MAGI1: variants seen among roughly 807,000 people sequenced by gnomAD.
The protein encoded by MAGI1 is membrane-associated guanylate kinase, WW and PDZ domain-containing protein 1.
In MAGI1, 58 loss-of-function variants were observed where a neutral mutation model predicts 139.9. The ratio of observed to expected loss-of-function variants is 0.41; its 90% CI spans 0.34 to 0.52. MAGI1 has a LOEUF of 0.52. MAGI1 is among the 20% of genes least tolerant of loss of function. The pLI is 0.12. For missense variants in MAGI1, 1,874 were observed against 1,901.6 expected (o/e 0.99, Z 0.27); for synonymous variants, 812 against 737.9 (o/e 1.10, Z -1.63).
chr3:65,965,271 G>A (rs1442007815), intron 1 of MAGI1, among the ~76,000 whole-genome samples: 1 of 152,146 alleles, frequency 6.6e-6, no homozygotes, highest in Non-Finnish European at 1.5e-5. Context: ...CCAGCCTCCT[G>A]ACTTTTGCCA....
At chr3:65,807,756 C>G (rs72894162) in intron 1 of MAGI1, among the ~76,000 whole-genome samples, 25,427 of 152,138 alleles carry the variant, frequency 0.17, 3,953 homozygotes, top group African/African-American at 0.42. Context: ...AAATGCTCAT[C>G]TTCCCTATTA....
In MAGI1 at chr3:65,429,447, T is replaced by TCTGAAGATGAG. The variant is rs575449668; in HGVS notation, c.2167+62_2167+72dup. On this transcript the variant is annotated intron_variant, in intron 12 of 22. Transcript: ENST00000402939. ...AAATTTAAAAAGCCCCCAGTGGTCATCTGAAGATGAGTAAGTTAAGCAATG... is the reference window on the plus strand; with the variant it reads ...AAATTTAAAAAGCCCCCAGTGGTCATCTGAAGATGAGCTGAAGATGAGTAAGTTAAGCAATG... 68 of 1,448,646 alleles carry TCTGAAGATGAG rather than the reference T, an allele frequency of 4.7e-5. 1 individual carries two copies. In the Middle Eastern group the frequency reaches 2.2e-3, roughly 46 times the overall value. 89.7% of individuals were successfully genotyped at this position (1,448,646 alleles called of 1,614,324 possible).
intron 1 of MAGI1, among the ~76,000 whole-genome samples, chr3:65,798,085 C>A (rs1197102150): frequency 6.6e-6 from 1 of 152,188 alleles, no homozygotes; most frequent in Admixed American, 6.5e-5. Context: ...GCAGGCAGAT[C>A]ACGAGGTCAA....
chr3:65,609,581 T>TTTTTTG (rs2082935063), intron 2 of MAGI1, among the ~76,000 whole-genome samples: 1 of 151,072 alleles, frequency 6.6e-6, no homozygotes. Context: ...GTTTTTTTTG[T>TTTTTTG]TTTTTGTTTT....
At chr3:66,034,905 G>A (rs1011279622) in intron 1 of MAGI1, among the ~76,000 whole-genome samples, 1 of 151,956 alleles carries the variant, frequency 6.6e-6, no homozygotes, top group African/African-American at 2.4e-5. Flanking sequence ...CAGGGGGAGG[G>A]GGGAATTAAC....
chr3:65,831,785 A>G (rs999874434), intron 1 of MAGI1, among the ~76,000 whole-genome samples: 4 of 152,196 alleles, frequency 2.6e-5, no homozygotes, highest in Non-Finnish European at 5.9e-5. Context: ...TCTGAAATAC[A>G]TTTGCTTTAA....
intron 1 of MAGI1, among the ~76,000 whole-genome samples, chr3:65,755,048 G>C (rs1319630420): frequency 6.6e-6 from 1 of 151,818 alleles, no homozygotes; most frequent in Non-Finnish European, 1.5e-5. Flanking sequence ...CCATGTCCTG[G>C]GTTCCAGCAA....
intron 1 of MAGI1, among the ~76,000 whole-genome samples, chr3:65,807,668 G>A (rs149876937): frequency 8.4e-4 from 128 of 152,292 alleles, no homozygotes; most frequent in African/African-American, 2.8e-3. Flanking sequence ...CCAAACAGAA[G>A]TAAATGGAGA....
chr3:65,640,415 T>C (rs1043000363), intron 1 of MAGI1, among the ~76,000 whole-genome samples: 1 of 152,172 alleles, frequency 6.6e-6, no homozygotes, highest in Non-Finnish European at 1.5e-5. Context: ...AGGCCTCTCC[T>C]GTTCTAAGAG....
chr3:65,420,653 A>C (rs1276920144), intron 12 of MAGI1, among the ~76,000 whole-genome samples: 1 of 152,114 alleles, frequency 6.6e-6, no homozygotes, highest in Non-Finnish European at 1.5e-5. Context: ...TTTATATTCA[A>C]ATTCCACACT....
intron 1 of MAGI1, among the ~76,000 whole-genome samples, chr3:65,675,982 A>C (rs77994555): frequency 1.2e-4 from 18 of 152,220 alleles, no homozygotes; most frequent in Admixed American, 1.2e-3. Context: ...GCTACCCTAT[A>C]TATGTCAATA....
chr3:65,671,534 A>C (rs905196023), intron 1 of MAGI1, among the ~76,000 whole-genome samples: 2 of 152,226 alleles, frequency 1.3e-5, no homozygotes, highest in Non-Finnish European at 2.9e-5. Flanking sequence ...AAACCTGGCT[A>C]CATATTAGAA....
intron 1 of MAGI1, among the ~76,000 whole-genome samples, chr3:65,656,505 A>G (rs1290671362): frequency 6.6e-6 from 1 of 152,222 alleles, no homozygotes; most frequent in East Asian, 1.9e-4. Context: ...TTATGCAAGT[A>G]AAATGTTATG....
intron 1 of MAGI1, 47 bp from the exon 2 acceptor site, chr3:65,622,135 C>T (rs760881658): frequency 7.5e-7 from 1 of 1,338,506 alleles, no homozygotes; most frequent in Non-Finnish European, 1.1e-6. Flanking sequence ...CACAGGGCCT[C>T]CTAGAAAAGA....
chr3:65,719,355 G>A (rs2107681088), intron 1 of MAGI1, among the ~76,000 whole-genome samples: 1 of 151,598 alleles, frequency 6.6e-6, no homozygotes, highest in Admixed American at 6.6e-5. Flanking sequence ...TTTGTAGAAT[G>A]TGGATATTAT....
intron 1 of MAGI1, among the ~76,000 whole-genome samples, chr3:65,916,163 T>C (rs1576022498): frequency 6.6e-6 from 1 of 151,856 alleles, no homozygotes; most frequent in South Asian, 2.1e-4. Flanking sequence ...GCCTCCCGGG[T>C]TGACGCGATT....
intron 1 of MAGI1, among the ~76,000 whole-genome samples, chr3:66,019,300 C>CA (rs2107543194): frequency 1.3e-5 from 2 of 152,312 alleles, no homozygotes; most frequent in African/African-American, 4.8e-5. Context: ...TCTTTGTTGG[C>CA]AGTGGGCTCT....
At chr3:65,741,245 G>C (rs952193317) in intron 1 of MAGI1, among the ~76,000 whole-genome samples, 12 of 151,874 alleles carry the variant, frequency 7.9e-5, no homozygotes, top group African/African-American at 2.4e-4. Flanking sequence ...CGCGATCTCG[G>C]CTCACTGCAA....
intron 1 of MAGI1, among the ~76,000 whole-genome samples, chr3:65,795,972 C>T (rs1163398669): frequency 6.6e-6 from 1 of 150,418 alleles, no homozygotes; most frequent in Admixed American, 6.7e-5. Flanking sequence ...AATTGCTTGA[C>T]CACAGGAGGC....
Sources: allele counts gnomAD v4.1 joint callset (sites outside exome capture counted in the v4.1 genomes callset), GRCh38; gene constraint gnomAD v4.1.1; transcripts MANE v1.5; gene names NCBI Gene and HGNC (gene_info 2026-07-23, HGNC 2026-07-21).